GOT1: variants seen among roughly 807,000 people sequenced by gnomAD.
The protein encoded by GOT1 is aspartate aminotransferase, cytoplasmic.
Under a neutral mutation model 48.2 loss-of-function variants are expected in GOT1, and 25 were observed. The ratio of observed to expected loss-of-function variants is 0.52; its 90% confidence interval spans 0.38 to 0.72. The LOEUF (loss-of-function observed/expected upper bound fraction) is 0.72, where lower values mean the gene tolerates loss of function less well. Ranked by LOEUF, GOT1 falls within the 30% of genes least tolerant of loss-of-function variation. The probability of loss-of-function intolerance (pLI) is 0.00; values close to 1 mark genes in which losing one functional copy is unlikely to be tolerated. For missense variants in GOT1, 380 were observed against 520.1 expected, an observed-to-expected ratio of 0.73 and a Z score of 2.62; for synonymous variants, 188 against 193.8, an observed-to-expected ratio of 0.97 and a Z score of 0.25.
chr10:99,406,239 A>G lies in GOT1; in HGVS notation c.435T>C (p.Asn145=), dbSNP rs781022025. The change falls in exon 4 of 9, where the codon AAT becomes AAC. Residue 145 remains asparagine, a synonymous_variant. Coordinates refer to ENST00000370508, the MANE Select transcript of GOT1 (RefSeq NM_002079.3). ...TAAAACCAGCAGCGGAAAACACAGC[A>G]TTGTGATTCTCTGCATGCAAAGAAG... The part of the protein sequence containing the change: ...YVSSPTWENH[N]AVFSAAGFKD... 24 of 1,610,538 alleles carry G rather than the reference A, an allele frequency of 1.5e-5. No homozygotes were observed. The South Asian group carries it at 2.0e-4, about 13-fold the overall frequency.
intron 1 of GOT1, among the ~76,000 whole-genome samples, chr10:99,421,435 C>A (rs2032965580): frequency 6.6e-6 from 1 of 152,188 alleles, no homozygotes; most frequent in Non-Finnish European, 1.5e-5. Context: ...CATCTCTATC[C>A]TCTCTCTGTA....
At chr10:99,403,233 G>A (rs1308775148) in intron 7 of GOT1, among the ~76,000 whole-genome samples, 1 of 151,840 alleles carries the variant, frequency 6.6e-6, no homozygotes, top group Non-Finnish European at 1.5e-5. Flanking sequence ...GGTGGGGGGG[G>A]AAATTGGGGA....
intron 5 of GOT1, among the ~76,000 whole-genome samples, chr10:99,405,553 A>ACACACG (rs1305496064): frequency 6.6e-6 from 1 of 151,764 alleles, no homozygotes; most frequent in African/African-American, 2.4e-5. Context: ...ACACACACAC[A>ACACACG]CACACAGTCT....
chr10:99,397,413 G>A lies in GOT1; in HGVS notation c.*134C>T, dbSNP rs1037910924. 5.5e-6 allele frequency: 5 copies of A among 915,464 alleles called. No homozygotes were observed. The highest frequency in any genetic ancestry group is 3.5e-4 in the Middle Eastern group (1 of 2,890). The allele number at this position is 915,464 out of a possible 1,614,324, so 56.7% of individuals were successfully genotyped here. A position where few individuals can be genotyped will look rare whatever the true frequency, so the allele number is the denominator to read the frequency against. On this transcript the variant is annotated 3_prime_UTR_variant, in exon 9 of 9. Coordinates refer to ENST00000370508, the MANE Select transcript of GOT1 (RefSeq NM_002079.3). The surrounding 1 kb of genome is among the most constrained non-coding windows in gnomAD (Gnocchi z 5.4). ...TCTTCATGTGGGGCCGGTTTAAACA[G>A]AGGCTGCCTCACCAGAGCAGCCTTT...
Position 99,403,523 on chromosome 10 carries a change from T to G in GOT1, c.905A>C (p.Gln302Pro). Residue 302 changes from glutamine to proline, a missense_variant, in exon 7 of 9, where the codon CAG (glutamine) becomes CCG (proline). Physicochemically the swap from Gln to Pro is moderately conservative, Grantham distance 76 (BLOSUM62 -1). Transcript: ENST00000370508. ...GGTGCTGGCCACAATTCGTGCTCCC[T>G]GGGCGGGGGGATTGGACCAAGTAAT... The part of the protein sequence containing the change: ...VRITWSNPPA[Q>P]GARIVASTLS... 6.2e-7 allele frequency: 1 copy of G among 1,614,166 alleles called. No individual in the cohort carries two copies. Among genetic ancestry groups the G allele is most frequent in the Non-Finnish European group, 8.5e-7 (1 of 1,180,016 alleles).
At chr10:99,421,176 T>C (rs1225104593) in intron 1 of GOT1, among the ~76,000 whole-genome samples, 5 of 152,194 alleles carry the variant, frequency 3.3e-5, no homozygotes, top group African/African-American at 1.2e-4. Context: ...ATATCACTAG[T>C]GCACTGAGGT....
intron 5 of GOT1, among the ~76,000 whole-genome samples, chr10:99,404,515 T>C (rs1016040950): frequency 6.6e-6 from 1 of 152,102 alleles, no homozygotes; most frequent in African/African-American, 2.4e-5. Context: ...ATCAGTCCTG[T>C]CTCTTCAGAG....
chr10:99,403,359 T>C (rs2032709050), intron 7 of GOT1, 110 bp downstream of exon 7: 5 of 908,852 alleles, frequency 5.5e-6, no homozygotes, highest in South Asian at 5.2e-5. Flanking sequence ...GTTAAAGTAA[T>C]TTTATCCTGC....
intron 2 of GOT1, among the ~76,000 whole-genome samples, chr10:99,408,430 T>C (rs2032789080): frequency 1.3e-5 from 2 of 152,158 alleles, no homozygotes; most frequent in Admixed American, 1.3e-4. Context: ...TGAAAAAGTC[T>C]ATCTAGCCGG....
chr10:99,418,509 T>TC (rs1184119380), intron 2 of GOT1, among the ~76,000 whole-genome samples: 3 of 150,692 alleles, frequency 2.0e-5, no homozygotes, highest in Non-Finnish European at 3.0e-5. Context: ...TTTTTTTTTT[T>TC]CTTTTCTTTT....
rs114622449 is a variant in GOT1 at position 99,410,823 on chromosome 10, T to C, written c.301-3974A>G. Among the ~76,000 whole-genome samples the C allele has an allele frequency of 6.2e-3, 948 of 152,328 alleles. 9 individuals are homozygous for C. The highest frequency in any genetic ancestry group is 0.021 in the African/African-American group (891 of 41,562). On this transcript the variant is annotated intron_variant, in intron 2 of 8. Transcript: ENST00000370508. ...ACATCAAAGGAAGTAAGTACAGACT[T>C]CTCAAGGAGCCAGGCAACTGGACCT... is the stretch of plus-strand genomic sequence containing the variant.
chr10:99,427,468 AC>A (rs1362837779), intron 1 of GOT1, among the ~76,000 whole-genome samples: 3 of 152,114 alleles, frequency 2.0e-5, no homozygotes, highest in African/African-American at 7.2e-5. Context: ...ACGGGGTTTC[AC>A]CGTGTTAGCC....
chr10:99,416,639 A>G (rs1022581732), intron 2 of GOT1, among the ~76,000 whole-genome samples: 2 of 151,368 alleles, frequency 1.3e-5, no homozygotes, highest in African/African-American at 4.8e-5. Context: ...TGCCAAGTCA[A>G]TCCTAAGCTG....
rs142486412 is a variant in GOT1 at position 99,405,794 on chromosome 10, T to C, written c.604A>G (p.Thr202Ala). ...CAHNPTGIDP[T>A]PEQWKQIASV... ...GCAATCTGCTTCCACTGCTCCGGAG[T>C]TGGGTCAATCCCAGTTGGGTTGTGT... The change falls in exon 5 of 9, where the codon ACT (threonine) becomes GCT (alanine). Residue 202 changes from threonine (T) to alanine (A), a missense_variant. Coordinates refer to ENST00000370508, the MANE Select transcript of GOT1 (RefSeq NM_002079.3). 6 of 1,609,858 alleles carry C rather than the reference T, an allele frequency of 3.7e-6. No homozygotes were observed. Among genetic ancestry groups the C allele is most frequent in the Middle Eastern group, 1.6e-4 (1 of 6,074 alleles).
At chr10:99,416,551 C>T (rs1295471662) in intron 2 of GOT1, among the ~76,000 whole-genome samples, 2 of 152,248 alleles carry the variant, frequency 1.3e-5, no homozygotes, top group Non-Finnish European at 2.9e-5. Flanking sequence ...CCATCCCCAT[C>T]AACCTACCAA....
At chr10:99,414,322 A>C (rs938408429) in intron 2 of GOT1, among the ~76,000 whole-genome samples, 21 of 152,224 alleles carry the variant, frequency 1.4e-4, no homozygotes, top group African/African-American at 4.8e-4. Flanking sequence ...TTAAACCAAC[A>C]AAGATCAAAA....
intron 1 of GOT1, among the ~76,000 whole-genome samples, chr10:99,429,094 G>T (rs566375465): frequency 3.3e-5 from 5 of 151,060 alleles, no homozygotes; most frequent in Non-Finnish European, 5.9e-5. Flanking sequence ...CTGTCGCCCA[G>T]CCTGGAGTGC....
chr10:99,419,093 G>A (rs1184517084), intron 2 of GOT1, among the ~76,000 whole-genome samples: 1 of 152,148 alleles, frequency 6.6e-6, no homozygotes, highest in African/African-American at 2.4e-5. Flanking sequence ...ATTGTCCTCT[G>A]CCATTCTGCT....
At chr10:99,410,880 T>A (rs532054682) in intron 2 of GOT1, among the ~76,000 whole-genome samples, 1 of 152,264 alleles carries the variant, frequency 6.6e-6, no homozygotes, top group South Asian at 2.1e-4. Flanking sequence ...ACAAGGGAAA[T>A]CCAGGAAGAC....
Sources: allele counts gnomAD v4.1 joint callset (sites outside exome capture counted in the v4.1 genomes callset), GRCh38; gene constraint gnomAD v4.1.1; non-coding constraint Gnocchi (gnomAD v3.1); transcripts MANE v1.5; gene names NCBI Gene and HGNC (gene_info 2026-07-23, HGNC 2026-07-21).